ABCB11: variants seen among roughly 807,000 people sequenced by gnomAD.
The protein encoded by ABCB11 is bile salt export pump.
In ABCB11, 95 loss-of-function variants were observed where a neutral mutation model predicts 148.0. The ratio of observed to expected loss-of-function variants is 0.64; its 90% CI spans 0.54 to 0.76. The LOEUF is 0.76. ABCB11 is among the 30% of genes least tolerant of loss of function. The probability of loss-of-function intolerance (pLI) is 0.00; values close to 1 mark genes in which losing one functional copy is unlikely to be tolerated. For synonymous variants in ABCB11, 591 were observed against 555.4 expected (o/e 1.06, Z -0.90); for missense variants, 1,523 against 1,617.8 (o/e 0.94, Z 1.01).
At chr2:169,012,236 C>T (rs142379877) in intron 5 of ABCB11, among the ~76,000 whole-genome samples, 131 of 152,216 alleles carry the variant, frequency 8.6e-4, no homozygotes, top group Middle Eastern at 3.4e-3. Context: ...ACCCTTGATT[C>T]TTGAACCTGA....
intron 5 of ABCB11, among the ~76,000 whole-genome samples, chr2:169,000,174 GT>G (rs969816861): frequency 4.6e-5 from 7 of 152,066 alleles, no homozygotes; most frequent in African/African-American, 1.7e-4. Flanking sequence ...TTAACACTGA[GT>G]TTTGAGAATT....
intron 13 of ABCB11, 121 bp from the exon 14 acceptor site, chr2:168,972,171 C>G: frequency 1.2e-6 from 1 of 825,972 alleles, no homozygotes; most frequent in East Asian, 2.7e-5. Flanking sequence ...CTAATGGAAA[C>G]AATTCCTCTT....
rs76202239 is a variant in ABCB11, at chr2:169,008,389, C to T, written c.389+4883G>A. 2.1e-4 allele frequency among the ~76,000 whole-genome samples: 32 copies of T among 152,280 alleles called. No homozygotes were observed. The East Asian group carries it at 6.0e-3, about 29-fold the overall frequency. On this transcript the variant is annotated intron_variant, in intron 5 of 27. Coordinates refer to ENST00000650372, the MANE Select transcript of ABCB11 (RefSeq NM_003742.4). Reference sequence around the variant, plus strand: ...TTTTTCTGTAGTCACCTTGCCTCTACTCTTCTCTCTACAGGCAAATCCCCC... The same window carrying T: ...TTTTTCTGTAGTCACCTTGCCTCTATTCTTCTCTCTACAGGCAAATCCCCC...
chr2:168,981,651 T>G (rs1694140479), intron 10 of ABCB11, among the ~76,000 whole-genome samples: 1 of 152,132 alleles, frequency 6.6e-6, no homozygotes, highest in Non-Finnish European at 1.5e-5. Context: ...CAATTTAGTT[T>G]AAGACCACAC....
chr2:169,014,426 T>A, intron 3 of ABCB11, 72 bp from the exon 4 acceptor site: 1 of 1,410,132 alleles, frequency 7.1e-7, no homozygotes, highest in Non-Finnish European at 9.9e-7. Flanking sequence ...TAGGTGGTGA[T>A]TTTATGAGTT....
intron 26 of ABCB11, among the ~76,000 whole-genome samples, chr2:168,926,435 TAG>T (rs763221406): frequency 3.9e-5 from 6 of 152,170 alleles, no homozygotes; most frequent in Non-Finnish European, 8.8e-5. Context: ...GCAGATGAAA[TAG>T]ACAATCTCAG....
intron 3 of ABCB11, among the ~76,000 whole-genome samples, chr2:169,014,903 T>C (rs1306010128): frequency 6.6e-6 from 1 of 152,150 alleles, no homozygotes; most frequent in Non-Finnish European, 1.5e-5. Flanking sequence ...CTCTTCAACT[T>C]CGGGGATCTT....
chr2:168,952,587 G>C (rs867684824), intron 19 of ABCB11, among the ~76,000 whole-genome samples: 8 of 148,448 alleles, frequency 5.4e-5, no homozygotes, highest in African/African-American at 2.0e-4. Context: ...TTTTGATTGA[G>C]TTTATTTGGA....
chr2:168,972,602 A>G (rs766789949), intron 13 of ABCB11, among the ~76,000 whole-genome samples: 1 of 152,062 alleles, frequency 6.6e-6, no homozygotes, highest in Non-Finnish European at 1.5e-5. Flanking sequence ...ATATATTCAG[A>G]GTGCAGTTAT....
intron 24 of ABCB11, among the ~76,000 whole-genome samples, chr2:168,931,063 C>T (rs1315671847): frequency 5.3e-5 from 8 of 152,114 alleles, no homozygotes; most frequent in African/African-American, 1.9e-4. Flanking sequence ...AAGGCTTGGG[C>T]AACGAAATTA....
chr2:168,974,367 G>A (rs115538735), intron 12 of ABCB11, among the ~76,000 whole-genome samples: 2,077 of 152,048 alleles, frequency 0.014, 47 homozygotes, highest in African/African-American at 0.047. Context: ...TTGCTACGTA[G>A]AGGCTGAATG....
At chr2:168,945,578 G>C (rs558401018) in intron 19 of ABCB11, among the ~76,000 whole-genome samples, 4 of 149,946 alleles carry the variant, frequency 2.7e-5, no homozygotes, top group Admixed American at 6.7e-5. Context: ...AGGGACAGAA[G>C]AAGGAAGAGA....
chr2:168,919,277 TA>T (rs1691008465), downstream of ABCB11, among the ~76,000 whole-genome samples: 1 of 152,236 alleles, frequency 6.6e-6, no homozygotes, highest in Non-Finnish European at 1.5e-5. Flanking sequence ...TCTTTTTGTG[TA>T]ACTTTTCTTT....
chr2:168,930,634 G>C (rs1401344072), intron 25 of ABCB11, 31 bp downstream of exon 25: 4 of 1,462,408 alleles, frequency 2.7e-6, no homozygotes, highest in Non-Finnish European at 3.6e-6. Flanking sequence ...TCTGCAGAAG[G>C]CAAAATTCTC....
At chr2:169,025,250 A>C (rs1164249389) in intron 1 of ABCB11, among the ~76,000 whole-genome samples, 1 of 152,120 alleles carries the variant, frequency 6.6e-6, no homozygotes, top group African/African-American at 2.4e-5. Context: ...TTGCCCACGA[A>C]ATTTGGAGTC....
At position 168,951,391 on chromosome 2, in the gene ABCB11, G is replaced by A. The variant is rs1042756557; in HGVS notation, c.2344-6430C>T. Among the ~76,000 whole-genome samples the A allele has an allele frequency of 2.6e-5, 4 of 151,606 alleles. No individual in the cohort carries two copies. In the East Asian group the frequency reaches 7.8e-4, roughly 30 times the overall value. Reference sequence around the variant, plus strand: ...TAATTCTTCCAATCCATGAGCATGGGATGTTTTTCCTTTTGTTTGTGGCAT... The same window carrying A: ...TAATTCTTCCAATCCATGAGCATGGAATGTTTTTCCTTTTGTTTGTGGCAT... On this transcript the variant is annotated intron_variant, in intron 19 of 27. Coordinates refer to ENST00000650372, the MANE Select transcript of ABCB11 (RefSeq NM_003742.4).
chr2:169,010,013 G>A lies in ABCB11; in HGVS notation c.389+3259C>T, dbSNP rs1421053951. Among the ~76,000 whole-genome samples the A allele has an allele frequency of 3.9e-5, 6 of 152,274 alleles. No individual in the cohort carries two copies. The South Asian group carries it at 1.2e-3, about 32-fold the overall frequency. ...TCTGCATTGATTTATCTGTATGAGA[G>A]GAAGTGAAGACTTGAGCTCCCCAAT... On this transcript the variant is annotated intron_variant, in intron 5 of 27. Coordinates refer to ENST00000650372, the MANE Select transcript of ABCB11 (RefSeq NM_003742.4).
rs1038819783 is a variant in ABCB11 at position 168,923,322 on chromosome 2, G to C, written c.*300C>G. 1 of 477,634 alleles carries C rather than the reference G, an allele frequency of 2.1e-6. No individual in the cohort carries two copies. Among genetic ancestry groups the C allele is most frequent in the Non-Finnish European group, 3.8e-6 (1 of 265,598 alleles). 29.6% of individuals were successfully genotyped at this position (477,634 alleles called of 1,614,324 possible). ...TAATTCCCACATATTAATCAGGACTGGCTCCTGCACAGAGAAGCACTGAGT... is the reference window on the plus strand; with the variant it reads ...TAATTCCCACATATTAATCAGGACTCGCTCCTGCACAGAGAAGCACTGAGT... On this transcript the variant is annotated 3_prime_UTR_variant, in exon 28 of 28. Coordinates refer to ENST00000650372, the MANE Select transcript of ABCB11 (RefSeq NM_003742.4).
chr2:168,985,143 A>G (rs1694269692), intron 10 of ABCB11, among the ~76,000 whole-genome samples: 1 of 152,180 alleles, frequency 6.6e-6, no homozygotes, highest in Non-Finnish European at 1.5e-5. Flanking sequence ...ACATATGAAA[A>G]AAATGCTCAA....
Sources: allele counts gnomAD v4.1 joint callset (sites outside exome capture counted in the v4.1 genomes callset), GRCh38; gene constraint gnomAD v4.1.1; transcripts MANE v1.5; gene names NCBI Gene and HGNC (gene_info 2026-07-23, HGNC 2026-07-21).